GRIK2: variants seen among roughly 807,000 people sequenced by gnomAD.
GRIK2 encodes glutamate receptor ionotropic, kainate 2.
A neutral mutation model predicts 100.3 loss-of-function variants in GRIK2; 32 were observed. The observed-to-expected ratio is 0.32, with a 90% CI of 0.24 to 0.43. The LOEUF is 0.43. GRIK2 is among the 20% of genes least tolerant of loss of function. GRIK2 has a pLI of 1.00. For synonymous variants in GRIK2, 417 were observed against 389.4 expected (o/e 1.07, Z -0.83); for missense variants, 843 against 1,114.9 (o/e 0.76, Z 3.47).
chr6:101,875,580 A>G (rs989299455), intron 11 of GRIK2, among the ~76,000 whole-genome samples: 5 of 151,704 alleles, frequency 3.3e-5, no homozygotes, highest in African/African-American at 9.7e-5. Context: ...TTCTGATGAA[A>G]ATTTCATTTC....
chr6:101,418,886 G>A (rs1051007347), intron 2 of GRIK2, among the ~76,000 whole-genome samples: 2 of 152,130 alleles, frequency 1.3e-5, no homozygotes, highest in African/African-American at 2.4e-5. Context: ...GAAAGCCCCA[G>A]TAGCAGGGTC....
intron 16 of GRIK2, among the ~76,000 whole-genome samples, chr6:102,062,885 A>T (rs1187326680): frequency 6.6e-6 from 1 of 150,588 alleles, no homozygotes; most frequent in African/African-American, 2.4e-5. Context: ...ATATCCTATG[A>T]ATATTTTTTC....
intron 2 of GRIK2, among the ~76,000 whole-genome samples, chr6:101,406,822 G>A (rs1775621069): frequency 6.6e-6 from 1 of 152,238 alleles, no homozygotes; most frequent in African/African-American, 2.4e-5. Flanking sequence ...TTTAGCATAA[G>A]TGATTATTTT....
At chr6:101,618,205 C>T (rs552024872) in intron 2 of GRIK2, among the ~76,000 whole-genome samples, 19 of 151,498 alleles carry the variant, frequency 1.3e-4, no homozygotes, top group African/African-American at 4.3e-4. Context: ...TAATTATCTA[C>T]TTAATCCAGA....
chr6:101,403,872 C>G (rs990385232), intron 2 of GRIK2, among the ~76,000 whole-genome samples: 1 of 152,142 alleles, frequency 6.6e-6, no homozygotes, highest in Non-Finnish European at 1.5e-5. Context: ...GGAGAGAAAT[C>G]ATTCCAAGAA....
intron 7 of GRIK2, among the ~76,000 whole-genome samples, chr6:101,706,224 T>C (rs1773287203): frequency 6.6e-6 from 1 of 151,926 alleles, no homozygotes; most frequent in South Asian, 2.1e-4. Context: ...CATTGCTATA[T>C]ACATGATAGT....
intron 7 of GRIK2, among the ~76,000 whole-genome samples, chr6:101,787,550 C>T (rs1199993571): frequency 6.6e-6 from 1 of 152,092 alleles, no homozygotes; most frequent in African/African-American, 2.4e-5. Context: ...TTAATTTACT[C>T]CATGACCTAA....
chr6:101,622,663 A>G (rs1361656244), intron 3 of GRIK2, among the ~76,000 whole-genome samples: 1 of 152,058 alleles, frequency 6.6e-6, no homozygotes, highest in Non-Finnish European at 1.5e-5. Context: ...CTGAAAATAA[A>G]TGGCTGATTA....
chr6:101,895,721 C>A (rs1030565127), intron 12 of GRIK2, among the ~76,000 whole-genome samples: 6 of 151,118 alleles, frequency 4.0e-5, no homozygotes, highest in Non-Finnish European at 5.9e-5. Context: ...CCAAAAAAAA[C>A]GATTTCAATT....
At chr6:101,548,438 G>GTTTT (rs1192088915) in intron 2 of GRIK2, among the ~76,000 whole-genome samples, 1 of 152,130 alleles carries the variant, frequency 6.6e-6, no homozygotes, top group African/African-American at 2.4e-5. Flanking sequence ...TTCTTCTAGA[G>GTTTT]TTTTTATGGT....
At chr6:101,982,285 C>CTAAT (rs1793756628) in intron 14 of GRIK2, among the ~76,000 whole-genome samples, 1 of 151,868 alleles carries the variant, frequency 6.6e-6, no homozygotes, top group Non-Finnish European at 1.5e-5. Flanking sequence ...ATGTCTTTCT[C>CTAAT]TAATTACTTC....
At chr6:101,806,921 G>T (rs567677700) in intron 9 of GRIK2, among the ~76,000 whole-genome samples, 3 of 151,684 alleles carry the variant, frequency 2.0e-5, no homozygotes, top group South Asian at 4.2e-4. Flanking sequence ...TCCCTAGCCA[G>T]AGTGCAAGAC....
chr6:101,885,437 G>A (rs1028557169), intron 11 of GRIK2, among the ~76,000 whole-genome samples: 4 of 152,044 alleles, frequency 2.6e-5, no homozygotes, highest in Non-Finnish European at 4.4e-5. Flanking sequence ...CATCTTTGGA[G>A]CCATACTTTC....
At chr6:101,652,489 C>T (rs1056263690) in intron 4 of GRIK2, among the ~76,000 whole-genome samples, 2 of 152,046 alleles carry the variant, frequency 1.3e-5, no homozygotes, top group Non-Finnish European at 2.9e-5. Context: ...CTTTGTTATA[C>T]CAGCCTGAAC....
intron 2 of GRIK2, among the ~76,000 whole-genome samples, chr6:101,524,234 A>G (rs1775032561): frequency 6.6e-6 from 1 of 152,192 alleles, no homozygotes; most frequent in South Asian, 2.1e-4. Context: ...ATCCATCAAC[A>G]TAGATCCTTG....
intron 4 of GRIK2, among the ~76,000 whole-genome samples, chr6:101,667,986 A>G (rs1770155452): frequency 6.6e-6 from 1 of 152,142 alleles, no homozygotes; most frequent in African/African-American, 2.4e-5. Context: ...ATAATGTATC[A>G]AGCTAAAATG....
chr6:101,772,540 A>C (rs547165194), intron 7 of GRIK2, among the ~76,000 whole-genome samples: 1 of 152,076 alleles, frequency 6.6e-6, no homozygotes, highest in East Asian at 2.0e-4. Flanking sequence ...AACTTAAATA[A>C]ATCCTTTAAT....
In GRIK2 at chr6:101,551,154, A is replaced by C. The variant is rs1221942472; in HGVS notation, c.116-70795A>C. Among the ~76,000 whole-genome samples the C allele has an allele frequency of 9.9e-4, 151 of 152,280 alleles. 2 individuals carry two copies. The highest frequency in any genetic ancestry group is 1.0e-4 in the Non-Finnish European group (7 of 68,016). On this transcript the variant is annotated intron_variant, in intron 2 of 16. Coordinates refer to ENST00000369134, the MANE Select transcript of GRIK2 (RefSeq NM_021956.5). ...TTTCCTGAGAGCTTTTTTAGAAACCAGTCAGAATGAAATTTGCAAGAATAT... is the reference window on the plus strand; with the variant it reads ...TTTCCTGAGAGCTTTTTTAGAAACCCGTCAGAATGAAATTTGCAAGAATAT...
Position 102,069,739 on chromosome 6 carries a change from T to G in GRIK2, c.*1228T>G, listed in dbSNP as rs28383483. ...ACTTTTTATCAACAAAACAAGAACA[T>G]GTGTTCCTGTCAGGGGTGTGATGTC... On this transcript the variant is annotated 3_prime_UTR_variant, in exon 17 of 17. Transcript: ENST00000369134. 3 of 152,032 alleles carry G rather than the reference T, an allele frequency of 2.0e-5. No individual in the cohort carries two copies. The highest frequency in any genetic ancestry group is 7.2e-5 in the African/African-American group (3 of 41,440). 9.4% of individuals were successfully genotyped at this position (152,032 alleles called of 1,614,324 possible).
Sources: allele counts gnomAD v4.1 joint callset (sites outside exome capture counted in the v4.1 genomes callset), GRCh38; gene constraint gnomAD v4.1.1; transcripts MANE v1.5; gene names NCBI Gene and HGNC (gene_info 2026-07-23, HGNC 2026-07-21).